Variants in LOC400499 observed in about 807,000 individuals in gnomAD.
chr16:11,402,086 C>T, the LOC400499 span: 9 of 399,050 alleles, frequency 2.3e-5, no homozygotes, highest in Admixed American at 1.3e-4. Context: ...GTGGCTGCCT[C>T]CCAAATGCTC....
chr16:11,482,600 C>G, the LOC400499 span, among the ~76,000 whole-genome samples: 1 of 152,072 alleles, frequency 6.6e-6, no homozygotes, highest in Non-Finnish European at 1.5e-5. Flanking sequence ...TGATGAAGAA[C>G]TTGTTTCTGG....
At chr16:11,411,040 G>T in the LOC400499 span, among the ~76,000 whole-genome samples, 28 of 152,388 alleles carry the variant, frequency 1.8e-4, no homozygotes, top group African/African-American at 6.5e-4. Flanking sequence ...CTGACTGGGG[G>T]CCACGGGGGC....
At chr16:11,512,064 G>A in the LOC400499 span, among the ~76,000 whole-genome samples, 130 of 147,476 alleles carry the variant, frequency 8.8e-4, no homozygotes, top group East Asian at 0.022. Context: ...CGAGGTGGGC[G>A]GATCACCTGA....
chr16:11,416,038 C>T, the LOC400499 span, among the ~76,000 whole-genome samples: 1 of 151,664 alleles, frequency 6.6e-6, no homozygotes, highest in East Asian at 1.9e-4. Context: ...TCACTGCAAC[C>T]TCCGCCTCCC....
the LOC400499 span, among the ~76,000 whole-genome samples, chr16:11,463,175 C>G: frequency 2.6e-5 from 4 of 152,184 alleles, no homozygotes; most frequent in Non-Finnish European, 5.9e-5. Flanking sequence ...TCCACGGCCC[C>G]GCAAAGAAGA....
chr16:11,421,646 C>T, the LOC400499 span, among the ~76,000 whole-genome samples: 1 of 152,108 alleles, frequency 6.6e-6, no homozygotes, highest in African/African-American at 2.4e-5. Context: ...TCAAGTGATC[C>T]GCCCACCTCG....
At chr16:11,431,234 GC>G in the LOC400499 span, 1 of 398,962 alleles carries the variant, frequency 2.5e-6, no homozygotes, top group Admixed American at 4.4e-5. Context: ...CAAATCCTAG[GC>G]AGCGAAGTAA....
chr16:11,409,506 C>T, the LOC400499 span, among the ~76,000 whole-genome samples: 1 of 152,168 alleles, frequency 6.6e-6, no homozygotes, highest in Admixed American at 6.5e-5. Flanking sequence ...CTGCAACCCC[C>T]ACAACATTTT....
the LOC400499 span, chr16:11,411,446 A>G: frequency 2.5e-6 from 1 of 397,422 alleles, no homozygotes; most frequent in Non-Finnish European, 4.4e-6. Flanking sequence ...CCAGGATCAC[A>G]TCAGTGGCCC....
At chr16:11,487,176 T>C in the LOC400499 span, 10 of 398,132 alleles carry the variant, frequency 2.5e-5, no homozygotes, top group Non-Finnish European at 3.5e-5. Context: ...AAGGGATGGA[T>C]GGACAGACAG....
At chr16:11,418,289 C>A in the LOC400499 span, among the ~76,000 whole-genome samples, 23 of 152,176 alleles carry the variant, frequency 1.5e-4, no homozygotes, top group African/African-American at 5.3e-4. Context: ...AAGGCTGAGA[C>A]CTACCAGGCT....
At chr16:11,477,667 C>G in the LOC400499 span, among the ~76,000 whole-genome samples, 4 of 152,224 alleles carry the variant, frequency 2.6e-5, no homozygotes, top group Non-Finnish European at 5.9e-5. Flanking sequence ...GTGGATCTAA[C>G]CACCCAGCAT....
At chr16:11,380,064 C>G in the LOC400499 span, among the ~76,000 whole-genome samples, 1 of 152,136 alleles carries the variant, frequency 6.6e-6, no homozygotes, top group African/African-American at 2.4e-5. Flanking sequence ...CTCAAGTGAT[C>G]CTTCGGAGTA....
chr16:11,477,682 GCA>G, the LOC400499 span: 26 of 394,122 alleles, frequency 6.6e-5, no homozygotes, highest in African/African-American at 1.2e-4. Flanking sequence ...CAGCATCTCT[GCA>G]CACAGTCTCT....
At chr16:11,440,811 C>G in the LOC400499 span, 2 of 398,918 alleles carry the variant, frequency 5.0e-6, no homozygotes, top group Non-Finnish European at 8.8e-6. Context: ...AGATGATGCC[C>G]CCATCCAAGC....
the LOC400499 span, among the ~76,000 whole-genome samples, chr16:11,521,772 C>T: frequency 2.0e-5 from 3 of 152,280 alleles, no homozygotes; most frequent in African/African-American, 7.2e-5. Flanking sequence ...GCACCTCTTA[C>T]AATCAAAATT....
At chr16:11,450,768 T>C in the LOC400499 span, 10 of 1,536,066 alleles carry the variant, frequency 6.5e-6, no homozygotes, top group Admixed American at 2.0e-5. Context: ...GTGGCCAGTA[T>C]AGCCTGTGAG....
chr16:11,520,454 C>G, the LOC400499 span, among the ~76,000 whole-genome samples: 1 of 152,078 alleles, frequency 6.6e-6, no homozygotes, highest in African/African-American at 2.4e-5. Context: ...GTCAGGAGTT[C>G]AAGACCAGCT....
the LOC400499 span, among the ~76,000 whole-genome samples, chr16:11,492,945 T>G: frequency 6.6e-6 from 1 of 151,818 alleles, no homozygotes; most frequent in Admixed American, 6.6e-5. Flanking sequence ...GTACAGGATG[T>G]GAAAAAGAAA....
Sources: gnomAD v4.1 joint callset for allele counts (sites outside exome capture counted in the v4.1 genomes callset) on GRCh38, gnomAD v4.1.1 for gene constraint, MANE v1.5 for transcripts.